Variants in SIPA1L1 observed in about 807,000 individuals in gnomAD.
SIPA1L1 encodes the protein signal induced proliferation associated 1 like 1.
In SIPA1L1, 26 loss-of-function variants were observed where a neutral mutation model predicts 162.7. The observed-to-expected ratio is 0.16, with a 90% CI of 0.12 to 0.22. SIPA1L1 has a LOEUF of 0.22. Among genes scored for constraint, SIPA1L1 ranks in the 10% least tolerant of loss-of-function variants. The probability of loss-of-function intolerance (pLI) is 1.00; values close to 1 mark genes in which losing one functional copy is unlikely to be tolerated. For missense variants in SIPA1L1, 1,874 were observed against 2,241.0 expected (o/e 0.84, Z 3.31); for synonymous variants, 829 against 837.4 (o/e 0.99, Z 0.17).
chr14:71,587,251 G>A (rs1324760441), intron 4 of SIPA1L1, among the ~76,000 whole-genome samples: 1 of 152,102 alleles, frequency 6.6e-6, no homozygotes, highest in Non-Finnish European at 1.5e-5. Flanking sequence ...GGTCATTGGA[G>A]CAAAAGTCTG....
intron 22 of SIPA1L1, among the ~76,000 whole-genome samples, chr14:71,737,323 T>C (rs1330850291): frequency 6.6e-6 from 1 of 152,182 alleles, no homozygotes; most frequent in Non-Finnish European, 1.5e-5. Flanking sequence ...TCGGAGTCAC[T>C]TAGCTCTTTC....
At chr14:71,352,329 G>A (rs2036803702) in intron 2 of SIPA1L1, among the ~76,000 whole-genome samples, 1 of 152,082 alleles carries the variant, frequency 6.6e-6, no homozygotes, top group Non-Finnish European at 1.5e-5. Context: ...GAATTTCTGC[G>A]AAGTGAATAC....
At chr14:71,320,928 G>A (rs1046134655) in intron 1 of SIPA1L1, among the ~76,000 whole-genome samples, 194 bp from the exon 2 acceptor site, 1 of 151,706 alleles carries the variant, frequency 6.6e-6, no homozygotes, top group African/African-American at 2.4e-5. Flanking sequence ...GCCCCCGCCG[G>A]CCCCCCGCCA....
At position 71,625,402 on chromosome 14, in the gene SIPA1L1, C is replaced by T. The variant is rs1596484374; in HGVS notation, c.1818+1166C>T. On this transcript the variant is annotated intron_variant, in intron 7 of 23. Coordinates refer to ENST00000381232, the MANE Select transcript of SIPA1L1 (RefSeq NM_001386936.1). ...GCAACCTCTGCCTCCCAGGTTCAAGCGATTCTGTTGCCTCAGCCTCTCGAG... is the reference window on the plus strand; with the variant it reads ...GCAACCTCTGCCTCCCAGGTTCAAGTGATTCTGTTGCCTCAGCCTCTCGAG... Among the ~76,000 whole-genome samples, 3 of 151,930 alleles carry T rather than the reference C, an allele frequency of 2.0e-5. No individual in the cohort carries two copies. The East Asian group carries it at 5.8e-4, about 29-fold the overall frequency.
intron 2 of SIPA1L1, among the ~76,000 whole-genome samples, chr14:71,399,496 C>T (rs1346808710): frequency 6.6e-6 from 1 of 152,126 alleles, no homozygotes; most frequent in Non-Finnish European, 1.5e-5. Context: ...CCCCAAACCC[C>T]TGGGCTTAAG....
At chr14:71,336,792 G>A (rs772555685) in intron 2 of SIPA1L1, among the ~76,000 whole-genome samples, 1 of 152,092 alleles carries the variant, frequency 6.6e-6, no homozygotes, top group Non-Finnish European at 1.5e-5. Context: ...TTTTTCCCTC[G>A]AATTTCTTGC....
rs531854942 is a variant in SIPA1L1 at position 71,640,710 on chromosome 14, C to T, written c.1819-9625C>T. 6.6e-5 allele frequency among the ~76,000 whole-genome samples: 10 copies of T among 152,290 alleles called. No individual in the cohort carries two copies. In the East Asian group the frequency reaches 1.7e-3, roughly 27 times the overall value. On this transcript the variant is annotated intron_variant, in intron 7 of 23. Coordinates refer to ENST00000381232, the MANE Select transcript of SIPA1L1 (RefSeq NM_001386936.1). ...TGCAGTCTTGGCTCACTGCAACCTC[C>T]GCCTCCTGAGTTTAAGTGATTCTTG... is the stretch of plus-strand genomic sequence containing the variant.
intron 9 of SIPA1L1, among the ~76,000 whole-genome samples, chr14:71,659,359 T>C (rs2043318996): frequency 6.6e-6 from 1 of 152,244 alleles, no homozygotes; most frequent in Non-Finnish European, 1.5e-5. Flanking sequence ...TTTATCAGTT[T>C]ACATTTGATT....
intron 2 of SIPA1L1, among the ~76,000 whole-genome samples, chr14:71,419,331 T>C (rs1315049187): frequency 6.6e-6 from 1 of 151,924 alleles, no homozygotes; most frequent in African/African-American, 2.4e-5. Flanking sequence ...AGTAAATGTT[T>C]TGAGAAATTG....
At chr14:71,600,475 C>T (rs1250954301) in intron 5 of SIPA1L1, among the ~76,000 whole-genome samples, 7 of 152,122 alleles carry the variant, frequency 4.6e-5, no homozygotes, top group Admixed American at 3.9e-4. Flanking sequence ...TAGACCAATG[C>T]CATGCTGTTT....
chr14:71,508,812 C>T (rs527539542), intron 2 of SIPA1L1, among the ~76,000 whole-genome samples: 1 of 151,948 alleles, frequency 6.6e-6, no homozygotes, highest in Admixed American at 6.6e-5. Context: ...TGCTGATTTT[C>T]ATGGGATGAG....
At chr14:71,565,037 G>C (rs2030106379) in intron 4 of SIPA1L1, among the ~76,000 whole-genome samples, 2 of 152,200 alleles carry the variant, frequency 1.3e-5, no homozygotes, top group African/African-American at 4.8e-5. Context: ...AAGTTGGTGA[G>C]AATGTGGAAT....
chr14:71,326,842 G>A (rs2033877194), intron 2 of SIPA1L1, among the ~76,000 whole-genome samples: 1 of 149,798 alleles, frequency 6.7e-6, no homozygotes. Flanking sequence ...CTCCCAAGTA[G>A]CTGGGATTAC....
At chr14:71,656,100 C>T (rs1399570611) in intron 8 of SIPA1L1, among the ~76,000 whole-genome samples, 1 of 152,036 alleles carries the variant, frequency 6.6e-6, no homozygotes, top group Admixed American at 6.6e-5. Context: ...TGAAACTATT[C>T]CCAAACTGTT....
chr14:71,619,924 GCTTTTTCTC>G (rs1486913921), intron 6 of SIPA1L1, among the ~76,000 whole-genome samples: 1 of 152,124 alleles, frequency 6.6e-6, no homozygotes, highest in African/African-American at 2.4e-5. Flanking sequence ...ACTCTCATGT[GCTTTTTCTC>G]CATGGCAAAG....
At chr14:71,735,047 G>A (rs74060402) in intron 21 of SIPA1L1, among the ~76,000 whole-genome samples, 2 of 152,144 alleles carry the variant, frequency 1.3e-5, no homozygotes, top group African/African-American at 4.8e-5. Flanking sequence ...GAAGAGGGGG[G>A]ACTAGAAATT....
At chr14:71,633,110 T>TTGTTATGTTA (rs58429457) in intron 7 of SIPA1L1, among the ~76,000 whole-genome samples, 14,686 of 137,076 alleles carry the variant, frequency 0.11, 938 homozygotes, top group Non-Finnish European at 0.12. Context: ...ACAAGCATGA[T>TTGTTATGTTA]TGTTATGTTA....
intron 3 of SIPA1L1, among the ~76,000 whole-genome samples, chr14:71,513,956 C>T (rs945824235): frequency 1.3e-5 from 2 of 152,158 alleles, no homozygotes; most frequent in African/African-American, 4.8e-5. Context: ...GCTCTAAAGG[C>T]CTTTCATTAC....
chr14:71,360,257 A>G (rs890706976), intron 2 of SIPA1L1, among the ~76,000 whole-genome samples: 1 of 152,224 alleles, frequency 6.6e-6, no homozygotes, highest in Non-Finnish European at 1.5e-5. Context: ...ATGAATGGTT[A>G]TTTTTATTAT....
Sources: gnomAD v4.1 joint callset for allele counts (sites outside exome capture counted in the v4.1 genomes callset) on GRCh38, gnomAD v4.1.1 for gene constraint, MANE v1.5 for transcripts, NCBI Gene and HGNC (gene_info 2026-07-23, HGNC 2026-07-21) for gene names.